The following CECR2 variants were observed in gnomAD, a reference collection of about 807,000 sequenced individuals.
CECR2 encodes the protein CECR2 histone acetyl-lysine reader.
Under a neutral mutation model 154.5 loss-of-function variants are expected in CECR2, and 30 were observed. The ratio of observed to expected loss-of-function variants is 0.19; its 90% CI spans 0.15 to 0.26. The LOEUF (loss-of-function observed/expected upper bound fraction) is 0.26. Ranked by LOEUF, CECR2 falls within the 10% of genes least tolerant of loss-of-function variation. The pLI is 1.00. For synonymous variants in CECR2, 725 were observed against 683.7 expected (o/e 1.06, Z -0.94); for missense variants, 1,743 against 1,829.3 (o/e 0.95, Z 0.86).
chr22:17,547,401 T>A (rs891771670), intron 16 of CECR2, among the ~76,000 whole-genome samples: 1 of 152,008 alleles, frequency 6.6e-6, no homozygotes, highest in Non-Finnish European at 1.5e-5. Context: ...AGCTAATTTT[T>A]TATATTTTTT....
intron 2 of CECR2, among the ~76,000 whole-genome samples, chr22:17,489,479 G>A (rs1160468855): frequency 6.6e-6 from 1 of 152,078 alleles, no homozygotes; most frequent in Non-Finnish European, 1.5e-5. Flanking sequence ...TTTTGAGACA[G>A]GGTTCCCACT....
Position 17,400,083 on chromosome 22 carries a change from G to T in CECR2, c.126+30174G>T, listed in dbSNP as rs117553243. On this transcript the variant is annotated intron_variant, in intron 1 of 18. Transcript: ENST00000262608. The stretch of plus-strand genomic sequence containing the variant: ...TACTTTTTAAAAAATCTGAAGTGCA[G>T]ATTTGGCTTCCCCATTAGTCTTAGT... Among the ~76,000 whole-genome samples, 855 of 152,286 alleles carry T rather than the reference G, an allele frequency of 5.6e-3. 27 individuals carry two copies. The East Asian group carries it at 0.1, about 18-fold the overall frequency.
chr22:17,524,471 C>G (rs1410692812), intron 9 of CECR2, 200 bp downstream of exon 9: 5 of 525,122 alleles, frequency 9.5e-6, no homozygotes, highest in Admixed American at 3.7e-5. Context: ...CAGCTCACTG[C>G]AAGCTTCACC....
rs1183598737 is a variant in CECR2 at position 17,397,126 on chromosome 22, T to TA, written c.126+27217_126+27218insA. Among the ~76,000 whole-genome samples, 4 of 151,990 alleles carry TA rather than the reference T, an allele frequency of 2.6e-5. No individual in the cohort carries two copies. The East Asian group carries it at 7.7e-4, about 29-fold the overall frequency. ...TGCTCCCTCCTAAAGAGCTTTTTTT[T>TA]TTTATTTATTTTATTTATTTATTTT... On this transcript the variant is annotated intron_variant, in intron 1 of 18. Transcript: ENST00000262608.
chr22:17,513,776 C>G (rs948577064), intron 8 of CECR2, among the ~76,000 whole-genome samples: 4 of 152,294 alleles, frequency 2.6e-5, no homozygotes, highest in Middle Eastern at 3.4e-3. Context: ...CACCTCCTTG[C>G]AAGCTCCCTT....
rs368592647 is a variant in CECR2, at chr22:17,507,573, GC to G, written c.870+2559del. On this transcript the variant is annotated intron_variant, in intron 7 of 18. Coordinates refer to ENST00000262608, the MANE Select transcript of CECR2 (RefSeq NM_001290047.2). ...TTCTGCTTTTTTACTGCTATATTCAGCCTAACATTTTGGGGGATAGAAGAAT... is the reference window on the plus strand; with the variant it reads ...TTCTGCTTTTTTACTGCTATATTCAGCTAACATTTTGGGGGATAGAAGAAT... Among the ~76,000 whole-genome samples the G allele has an allele frequency of 2.8e-3, 425 of 151,880 alleles. 1 individual carries two copies. The highest frequency in any genetic ancestry group is 0.01 in the African/African-American group (416 of 41,402).
chr22:17,499,331 T>C, intron 3 of CECR2, 79 bp from the exon 4 acceptor site: 1 of 1,522,886 alleles, frequency 6.6e-7, no homozygotes, highest in Non-Finnish European at 8.9e-7. Context: ...TACGTGTAAA[T>C]TTGGAATCCT....
Position 17,542,584 on chromosome 22 carries a change from T to C in CECR2, c.2441T>C (p.Met814Thr). 1 of 1,613,600 alleles carries C rather than the reference T, an allele frequency of 6.2e-7. No homozygotes were observed. The highest frequency in any genetic ancestry group is 1.1e-5 in the South Asian group (1 of 91,084). The change falls in exon 16 of 19, where the codon ATG becomes ACG. Residue 814 changes from methionine to threonine, a missense_variant. By Grantham distance (81) the Met-to-Thr change is moderately conservative. Around this residue, in one of 4 missense-constraint regions of CECR2, gnomAD observed 1,250 missense variants for 1,192.1 expected, o/e 1.05. Coordinates refer to ENST00000262608, the MANE Select transcript of CECR2 (RefSeq NM_001290047.2). ...TLGHVMDSRV[M>T]RPPVPPNQWT... ...GGTCACGTGATGGATTCCCGAGTCA[T>C]GAGACCACCTGTCCCCCCCAACCAG...
chr22:17,525,285 C>CAAAAAAAAAAAAAA lies in CECR2; in HGVS notation c.1108+1014_1108+1015insAAAAAAAAAAAAAA, dbSNP rs1569142080. The stretch of plus-strand genomic sequence containing the variant: ...GGGCAACAAGAGTGAAACTCCATCT[C>CAAAAAAAAAAAAAA]CAAAAAAAAAAAAAAAAAAAAAAAA... On this transcript the variant is annotated intron_variant, in intron 9 of 18. Transcript: ENST00000262608. Among the ~76,000 whole-genome samples, 73 of 32,320 alleles carry CAAAAAAAAAAAAAA rather than the reference C, an allele frequency of 2.3e-3. 24 individuals carry two copies. Among genetic ancestry groups the CAAAAAAAAAAAAAA allele is most frequent in the East Asian group, 5.8e-3 (2 of 342 alleles). The allele number at this position is 32,320 out of a possible 152,430, so 21.2% of individuals were successfully genotyped here.
At chr22:17,488,775 A>G (rs900502963) in intron 2 of CECR2, among the ~76,000 whole-genome samples, 1 of 152,222 alleles carries the variant, frequency 6.6e-6, no homozygotes, top group Non-Finnish European at 1.5e-5. Context: ...GAACATTTGC[A>G]TACAAATGCT....
At chr22:17,482,251 C>T (rs561905980) in intron 2 of CECR2, among the ~76,000 whole-genome samples, 10 of 151,234 alleles carry the variant, frequency 6.6e-5, no homozygotes, top group African/African-American at 7.3e-5. Flanking sequence ...GGTGAAACCC[C>T]GTCTCTACTA....
At chr22:17,399,241 T>C (rs1434886229) in intron 1 of CECR2, among the ~76,000 whole-genome samples, 2 of 152,198 alleles carry the variant, frequency 1.3e-5, no homozygotes, top group African/African-American at 4.8e-5. Flanking sequence ...TTTTAGCTTT[T>C]GGACCTTGCA....
At chr22:17,538,159 A>G (rs1410398262) in intron 10 of CECR2, among the ~76,000 whole-genome samples, 1 of 152,230 alleles carries the variant, frequency 6.6e-6, no homozygotes, top group Non-Finnish European at 1.5e-5. Context: ...TGGAGGCTGC[A>G]GTGAGCTGTG....
chr22:17,445,043 T>G (rs778744429), intron 1 of CECR2, among the ~76,000 whole-genome samples: 1 of 152,262 alleles, frequency 6.6e-6, no homozygotes, highest in Non-Finnish European at 1.5e-5. Flanking sequence ...TTCTCTTTAT[T>G]TTGCTACTTT....
rs563612182 is a variant in CECR2, at chr22:17,418,191, A to G, written c.126+48282A>G. On this transcript the variant is annotated intron_variant, in intron 1 of 18. Transcript: ENST00000262608. ...TGCCCCACCACACATACCCTGCCCC[A>G]GGCAATGGCTGATCTGATTTCTCTC... Among the ~76,000 whole-genome samples, 267 of 152,288 alleles carry G rather than the reference A, an allele frequency of 1.8e-3. 1 individual carries two copies. Among genetic ancestry groups the G allele is most frequent in the Non-Finnish European group, 3.2e-3 (218 of 68,018 alleles).
At chr22:17,511,464 C>T (rs375381064) in intron 7 of CECR2, among the ~76,000 whole-genome samples, 13 of 152,142 alleles carry the variant, frequency 8.5e-5, no homozygotes, top group East Asian at 1.9e-4. Flanking sequence ...CCAGAGCCGC[C>T]CCTTCAGCTG....
intron 1 of CECR2, among the ~76,000 whole-genome samples, chr22:17,407,585 ACT>A (rs1045216199): frequency 6.7e-6 from 1 of 150,280 alleles, no homozygotes; most frequent in African/African-American, 2.5e-5. Context: ...ATAGAGTGAG[ACT>A]CTGTCTCAAA....
chr22:17,454,033 T>G (rs546388696), intron 1 of CECR2, among the ~76,000 whole-genome samples: 2 of 152,220 alleles, frequency 1.3e-5, no homozygotes, highest in Non-Finnish European at 2.9e-5. Context: ...TTACCAGCAC[T>G]GTACACTCAG....
At chr22:17,419,946 G>C (rs950970043) in intron 1 of CECR2, 3 of 168,374 alleles carry the variant, frequency 1.8e-5, no homozygotes, top group African/African-American at 7.2e-5. Context: ...TCTTGCATTG[G>C]AACTGGCACT....
Sources: gnomAD v4.1 joint callset for allele counts (sites outside exome capture counted in the v4.1 genomes callset) on GRCh38, gnomAD v4.1.1 for gene constraint, gnomAD v4.1.1 regional missense constraint, MANE v1.5 for transcripts, NCBI Gene and HGNC (gene_info 2026-07-23, HGNC 2026-07-21) for gene names.